Variants in F13A1 observed in about 807,000 individuals in gnomAD.
F13A1 encodes coagulation factor XIII A chain.
Under a neutral mutation model 80.1 loss-of-function variants are expected in F13A1, and 47 were observed. That is an observed-to-expected ratio of 0.59 (90% CI 0.46 to 0.75). The LOEUF (loss-of-function observed/expected upper bound fraction) is 0.75. Among genes scored for constraint, F13A1 ranks in the 30% least tolerant of loss-of-function variants. The pLI is 0.00. For synonymous variants in F13A1, 349 were observed against 344.9 expected (o/e 1.01, Z -0.13); for missense variants, 817 against 930.4 (o/e 0.88, Z 1.59).
At chr6:6,206,190 A>T (rs1761485732) in intron 8 of F13A1, among the ~76,000 whole-genome samples, 1 of 152,206 alleles carries the variant, frequency 6.6e-6, no homozygotes, top group Non-Finnish European at 1.5e-5. Flanking sequence ...CTATTTATGA[A>T]TATGATATTC....
At chr6:6,257,377 C>A (rs1011420302) in intron 4 of F13A1, among the ~76,000 whole-genome samples, 1 of 151,982 alleles carries the variant, frequency 6.6e-6, no homozygotes, top group African/African-American at 2.4e-5. Flanking sequence ...AGGATCCAAA[C>A]GCACTGCCTT....
intron 8 of F13A1, among the ~76,000 whole-genome samples, chr6:6,211,606 G>C (rs1761611277): frequency 6.6e-6 from 1 of 152,216 alleles, no homozygotes; most frequent in African/African-American, 2.4e-5. Flanking sequence ...CAATATAAAA[G>C]TCCAACTAGA....
At chr6:6,301,776 C>T (rs1758435914) in intron 3 of F13A1, among the ~76,000 whole-genome samples, 1 of 152,210 alleles carries the variant, frequency 6.6e-6, no homozygotes, top group South Asian at 2.1e-4. Context: ...GGGTTACCCT[C>T]AGCCACAGAG....
chr6:6,292,367 C>G (rs991149807), intron 3 of F13A1, among the ~76,000 whole-genome samples: 3 of 152,192 alleles, frequency 2.0e-5, no homozygotes, highest in African/African-American at 7.2e-5. Flanking sequence ...CTCCTCCCTT[C>G]CACCCCTCAC....
intron 11 of F13A1, among the ~76,000 whole-genome samples, chr6:6,180,491 G>A (rs1178182199): frequency 6.6e-6 from 1 of 152,182 alleles, no homozygotes; most frequent in African/African-American, 2.4e-5. Flanking sequence ...ATGAATGAGT[G>A]GATGTTGCAG....
At chr6:6,240,182 T>G (rs906599534) in intron 6 of F13A1, among the ~76,000 whole-genome samples, 9 of 152,168 alleles carry the variant, frequency 5.9e-5, no homozygotes, top group Admixed American at 6.6e-5. Context: ...TGCCCATGAT[T>G]ATCACATTCG....
chr6:6,183,679 T>C (rs1010324193), intron 10 of F13A1, among the ~76,000 whole-genome samples: 12 of 152,140 alleles, frequency 7.9e-5, no homozygotes, highest in African/African-American at 2.9e-4. Flanking sequence ...TGGGAGCACA[T>C]GGGGCAGTGG....
At chr6:6,171,207 C>T (rs1392311559) in intron 12 of F13A1, among the ~76,000 whole-genome samples, 2 of 152,206 alleles carry the variant, frequency 1.3e-5, no homozygotes, top group Admixed American at 6.5e-5. Flanking sequence ...AAGGAAGGGA[C>T]CTGGCCCACT....
chr6:6,184,874 G>A (rs1761050978), intron 10 of F13A1, among the ~76,000 whole-genome samples: 1 of 152,118 alleles, frequency 6.6e-6, no homozygotes, highest in African/African-American at 2.4e-5. Flanking sequence ...ATGTGTGTTG[G>A]GGTGGGATGT....
intron 6 of F13A1, among the ~76,000 whole-genome samples, chr6:6,231,275 G>A (rs1040413250): frequency 2.0e-4 from 30 of 152,076 alleles, no homozygotes; most frequent in African/African-American, 6.8e-4. Context: ...TTACGAATGC[G>A]AAATGCTCTG....
At chr6:6,300,711 T>C (rs978274167) in intron 3 of F13A1, among the ~76,000 whole-genome samples, 17 of 152,174 alleles carry the variant, frequency 1.1e-4, no homozygotes, top group African/African-American at 4.1e-4. Context: ...TCTGGGTCGC[T>C]CAGGCTGGGA....
chr6:6,211,171 G>A (rs1761601300), intron 8 of F13A1, among the ~76,000 whole-genome samples: 1 of 152,208 alleles, frequency 6.6e-6, no homozygotes, highest in African/African-American at 2.4e-5. Context: ...GCTGTTAAGA[G>A]GTAGAAGTAA....
At chr6:6,242,079 C>CA (rs1169742479) in intron 6 of F13A1, among the ~76,000 whole-genome samples, 2 of 152,092 alleles carry the variant, frequency 1.3e-5, no homozygotes, top group Non-Finnish European at 1.5e-5. Flanking sequence ...AATACTGGGA[C>CA]AAAAAGAGGG....
intron 8 of F13A1, among the ~76,000 whole-genome samples, chr6:6,199,285 C>T (rs976793927): frequency 3.9e-5 from 6 of 152,008 alleles, no homozygotes; most frequent in East Asian, 3.8e-4. Flanking sequence ...GTCAGGAGAT[C>T]GAGACCATCC....
intron 11 of F13A1, 128 bp from the exon 12 acceptor site, chr6:6,174,995 G>T: frequency 8.9e-7 from 1 of 1,124,698 alleles, no homozygotes. Context: ...ACCTCCCCAG[G>T]AGGAGGGTGC....
At chr6:6,232,671 A>C (rs189751887) in intron 6 of F13A1, among the ~76,000 whole-genome samples, 1 of 150,514 alleles carries the variant, frequency 6.6e-6, no homozygotes, top group Non-Finnish European at 1.5e-5. Flanking sequence ...ACAGTGCATA[A>C]AACTTTCTCC....
intron 3 of F13A1, among the ~76,000 whole-genome samples, chr6:6,292,054 C>CA (rs1249329328): frequency 1.3e-5 from 2 of 152,156 alleles, no homozygotes; most frequent in Admixed American, 6.5e-5. Context: ...ATTGAGGTCC[C>CA]AGCACTTTCC....
At chr6:6,173,694 G>A (rs201059233) in intron 12 of F13A1, among the ~76,000 whole-genome samples, 2 of 152,020 alleles carry the variant, frequency 1.3e-5, no homozygotes, top group East Asian at 1.9e-4. Context: ...AGGAGACAGC[G>A]TTTTAAGAAG....
chr6:6,202,288 G>A (rs1761409224), intron 8 of F13A1, among the ~76,000 whole-genome samples: 1 of 152,026 alleles, frequency 6.6e-6, no homozygotes, highest in Admixed American at 6.5e-5. Context: ...TTATTCTAAA[G>A]CTTCTTTATC....
Sources: allele counts gnomAD v4.1 joint callset (sites outside exome capture counted in the v4.1 genomes callset), GRCh38; gene constraint gnomAD v4.1.1; transcripts MANE v1.5; gene names NCBI Gene and HGNC (gene_info 2026-07-23, HGNC 2026-07-21).